Variants in WWOX observed in about 807,000 individuals in gnomAD.
The protein encoded by WWOX is WW domain-containing oxidoreductase.
In WWOX, 69 loss-of-function variants were observed where a neutral mutation model predicts 46.2. The observed-to-expected ratio is 1.49, with a 90% CI of 1.23 to 1.82. WWOX has a LOEUF of 1.82. Among genes scored for constraint, WWOX ranks in the 40% most tolerant of loss-of-function variants. The pLI, the probability that WWOX is intolerant of heterozygous loss-of-function variation, is 0.00. For missense variants in WWOX, 919 were observed against 542.6 expected, an observed-to-expected ratio of 1.69 and a Z score of -6.89; for synonymous variants, 359 against 202.6, an observed-to-expected ratio of 1.77 and a Z score of -6.56.
intron 8 of WWOX, among the ~76,000 whole-genome samples, chr16:78,676,244 C>CATGT (rs1007178540): frequency 4.0e-5 from 6 of 151,828 alleles, no homozygotes; most frequent in African/African-American, 1.5e-4. Context: ...ATGCTCTCTA[C>CATGT]AGAGTCCGAA....
intron 8 of WWOX, among the ~76,000 whole-genome samples, chr16:78,909,219 C>G (rs1476454957): frequency 6.7e-6 from 1 of 150,032 alleles, no homozygotes; most frequent in Non-Finnish European, 1.5e-5. Flanking sequence ...TAATAACAGC[C>G]AGTCGTTCAT....
rs982132709 is a variant in WWOX, at chr16:78,108,633, T to C, written c.172+146T>C. 8 of 885,316 alleles carry C rather than the reference T, an allele frequency of 9.0e-6. No homozygotes were observed. In the African/African-American group the frequency reaches 1.4e-4, roughly 15 times the overall value. 54.8% of individuals were successfully genotyped at this position (885,316 alleles called of 1,614,324 possible). On this transcript the variant is annotated intron_variant, in intron 2 of 8. Transcript: ENST00000566780. ...CTCCCACTCTGAGGAGCTTATGGGATTTGGCAGAAGAAGATGATGAGATCA... is the reference window on the plus strand; with the variant it reads ...CTCCCACTCTGAGGAGCTTATGGGACTTGGCAGAAGAAGATGATGAGATCA...
At chr16:79,093,106 AG>A (rs1308076693) in intron 8 of WWOX, among the ~76,000 whole-genome samples, 1 of 152,248 alleles carries the variant, frequency 6.6e-6, no homozygotes, top group Non-Finnish European at 1.5e-5. Context: ...ACTGTGGTAC[AG>A]CCATTTCATA....
At chr16:78,406,963 C>T (rs565504875) in intron 6 of WWOX, among the ~76,000 whole-genome samples, 193 of 152,166 alleles carry the variant, frequency 1.3e-3, no homozygotes, top group African/African-American at 4.6e-3. Context: ...TGGATGCTAC[C>T]TAAAATCATC....
chr16:78,692,458 C>T lies in WWOX; in HGVS notation c.1056+259706C>T, dbSNP rs536084542. Among the ~76,000 whole-genome samples, 8 of 152,238 alleles carry T rather than the reference C, an allele frequency of 5.3e-5. No homozygotes were observed. In the East Asian group the frequency reaches 9.7e-4, roughly 18 times the overall value. ...TACAAGGAATTACAGAAGAGTGATGCCCCCTTCAAAGTGGCTCACACCTGG... is the reference window on the plus strand; with the variant it reads ...TACAAGGAATTACAGAAGAGTGATGTCCCCTTCAAAGTGGCTCACACCTGG... On this transcript the variant is annotated intron_variant, in intron 8 of 8. Coordinates refer to ENST00000566780, the MANE Select transcript of WWOX (RefSeq NM_016373.4).
At position 78,538,056 on chromosome 16, in the gene WWOX, C is replaced by T. The variant is rs1390686258; in HGVS notation, c.1056+105304C>T. ...CAAATCATGAACACTGTCTTTTTTC[C>T]AGCATGGTATTTTGAGCGGCACAGA... is the stretch of plus-strand genomic sequence containing the variant. On this transcript the variant is annotated intron_variant, in intron 8 of 8. Transcript: ENST00000566780. Among the ~76,000 whole-genome samples the T allele has an allele frequency of 2.0e-5, 3 of 151,790 alleles. No homozygotes were observed. The East Asian group carries it at 5.8e-4, about 29-fold the overall frequency.
chr16:78,884,366 G>C (rs1337144178), intron 8 of WWOX, among the ~76,000 whole-genome samples: 1 of 151,624 alleles, frequency 6.6e-6, no homozygotes, highest in Non-Finnish European at 1.5e-5. Context: ...GTACAAGAGT[G>C]TGTTTAGCAG....
In WWOX at chr16:78,432,829, C is replaced by T. The variant is rs79481694; in HGVS notation, c.1056+77C>T. 7,031 of 1,605,790 alleles carry T rather than the reference C, an allele frequency of 4.4e-3. 261 individuals are homozygous for T. In the East Asian group the frequency reaches 0.089, roughly 20 times the overall value. On this transcript the variant is annotated intron_variant, in intron 8 of 8. Transcript: ENST00000566780. ...GCACACTTGTGTCTCCACCTTTTTA[C>T]CTCTTGCGGGCATGAGTCTGGTCTC...
intron 4 of WWOX, among the ~76,000 whole-genome samples, chr16:78,139,902 C>T (rs946776863): frequency 2.0e-5 from 3 of 152,176 alleles, no homozygotes; most frequent in African/African-American, 4.8e-5. Flanking sequence ...AAATGCATCT[C>T]ATAGCTGTCT....
chr16:79,069,280 C>G (rs1033542691), intron 8 of WWOX, among the ~76,000 whole-genome samples: 6 of 152,186 alleles, frequency 3.9e-5, no homozygotes, highest in East Asian at 1.9e-4. Context: ...AGTTCTCTTA[C>G]GCACTCAGCG....
At chr16:78,391,337 A>T (rs779306940) in intron 6 of WWOX, among the ~76,000 whole-genome samples, 2 of 152,218 alleles carry the variant, frequency 1.3e-5, no homozygotes, top group Admixed American at 6.5e-5. Flanking sequence ...GTAGTTTGTT[A>T]TAAGAGTCCT....
intron 6 of WWOX, among the ~76,000 whole-genome samples, chr16:78,409,321 G>T (rs536433049): frequency 6.6e-6 from 1 of 152,138 alleles, no homozygotes; most frequent in African/African-American, 2.4e-5. Flanking sequence ...TCAAGATACA[G>T]AACAGTGCCA....
chr16:78,947,443 A>G (rs1222189509), intron 8 of WWOX, among the ~76,000 whole-genome samples: 3 of 152,192 alleles, frequency 2.0e-5, no homozygotes, highest in African/African-American at 7.2e-5. Flanking sequence ...GCTAACTGAG[A>G]TGAAAGGAGT....
intron 4 of WWOX, among the ~76,000 whole-genome samples, chr16:78,118,097 G>C (rs551212912): frequency 5.6e-4 from 84 of 150,228 alleles, no homozygotes; most frequent in African/African-American, 2.0e-3. Flanking sequence ...ATTGCCATTG[G>C]TGAGGATCTC....
intron 8 of WWOX, among the ~76,000 whole-genome samples, chr16:78,600,157 G>A (rs757902316): frequency 1.6e-4 from 25 of 152,086 alleles, no homozygotes; most frequent in Non-Finnish European, 2.6e-4. Flanking sequence ...TCACTATCAC[G>A]AGTAAAGCAC....
chr16:78,645,707 C>T (rs552240003), intron 8 of WWOX, among the ~76,000 whole-genome samples: 36 of 152,066 alleles, frequency 2.4e-4, no homozygotes, highest in African/African-American at 7.5e-4. Context: ...GATCCACCCC[C>T]GTAACCTAGA....
chr16:78,127,047 A>G (rs2033391539), intron 4 of WWOX, among the ~76,000 whole-genome samples: 2 of 152,206 alleles, frequency 1.3e-5, no homozygotes, highest in South Asian at 2.1e-4. Context: ...CTATCTGGAA[A>G]GATGTAGGAG....
At chr16:78,226,825 G>C (rs147141338) in intron 5 of WWOX, among the ~76,000 whole-genome samples, 2 of 152,248 alleles carry the variant, frequency 1.3e-5, no homozygotes, top group Non-Finnish European at 2.9e-5. Context: ...TTCCCTACCT[G>C]CTGAGGGCTG....
intron 8 of WWOX, among the ~76,000 whole-genome samples, chr16:78,830,992 C>G (rs1324559327): frequency 2.0e-5 from 3 of 152,194 alleles, no homozygotes; most frequent in Non-Finnish European, 4.4e-5. Context: ...TTAAAGGGCA[C>G]TAATGATGCA....
Sources: gnomAD v4.1 joint callset for allele counts (sites outside exome capture counted in the v4.1 genomes callset) on GRCh38, gnomAD v4.1.1 for gene constraint, MANE v1.5 for transcripts, NCBI Gene and HGNC (gene_info 2026-07-23, HGNC 2026-07-21) for gene names.